The following TCF4 variants were observed in gnomAD, a reference collection of about 807,000 sequenced individuals.
TCF4 encodes the protein transcription factor 4.
In TCF4, 3 loss-of-function variants were observed where a neutral mutation model predicts 82.1. The observed-to-expected ratio is 0.04, with a 90% CI of 0.02 to 0.09. The LOEUF (loss-of-function observed/expected upper bound fraction) is 0.09. TCF4 is among the 10% of genes least tolerant of loss of function. The pLI is 1.00. For missense variants in TCF4, 518 were observed against 852.7 expected, an observed-to-expected ratio of 0.61 and a Z score of 4.89; for synonymous variants, 276 against 309.6, an observed-to-expected ratio of 0.89 and a Z score of 1.14.
intron 8 of TCF4, among the ~76,000 whole-genome samples, chr18:55,336,494 A>G (rs561851831): frequency 1.3e-5 from 2 of 152,268 alleles, no homozygotes; most frequent in South Asian, 4.1e-4. Context: ...AGGTTTGTCC[A>G]TATACTAGGA....
At chr18:55,240,881 C>G (rs761777744) in intron 15 of TCF4, among the ~76,000 whole-genome samples, 19 of 152,128 alleles carry the variant, frequency 1.2e-4, no homozygotes, top group Non-Finnish European at 2.4e-4. Flanking sequence ...ACATGTATGT[C>G]GGGAGAAGAT....
chr18:55,246,413 G>T (rs1176657270), intron 15 of TCF4, among the ~76,000 whole-genome samples: 23 of 152,148 alleles, frequency 1.5e-4, no homozygotes, highest in Admixed American at 1.4e-3. Context: ...TCCAATGCCA[G>T]ACTGTTTCAA....
intron 1 of TCF4, among the ~76,000 whole-genome samples, chr18:55,631,722 T>C (rs1279062268): frequency 1.3e-5 from 2 of 152,220 alleles, no homozygotes; most frequent in Admixed American, 1.3e-4. Flanking sequence ...TTAGGAATGA[T>C]GTTTAATGCC....
chr18:55,592,651 G>A (rs1278394297), upstream of TCF4, among the ~76,000 whole-genome samples: 1 of 152,044 alleles, frequency 6.6e-6, no homozygotes, highest in Non-Finnish European at 1.5e-5. Flanking sequence ...TCTTGCCCCA[G>A]CCCCACCAGC....
chr18:55,309,097 A>T (rs939882105), intron 8 of TCF4, among the ~76,000 whole-genome samples: 1 of 151,242 alleles, frequency 6.6e-6, no homozygotes, highest in African/African-American at 2.4e-5. Flanking sequence ...TCATTTATTT[A>T]TTATTATTAT....
chr18:55,363,063 A>G (rs1233607782), intron 6 of TCF4, among the ~76,000 whole-genome samples: 1 of 152,228 alleles, frequency 6.6e-6, no homozygotes, highest in Non-Finnish European at 1.5e-5. Flanking sequence ...AATTCCAAAG[A>G]GAGAAAAATG....
intron 9 of TCF4, among the ~76,000 whole-genome samples, chr18:55,278,438 T>A (rs963053128): frequency 1.3e-5 from 2 of 152,176 alleles, no homozygotes; most frequent in Admixed American, 1.3e-4. Flanking sequence ...CATTAGAAAA[T>A]AAGTGCCACA....
Position 55,529,798 on chromosome 18 carries a change from C to T in TCF4, c.145+55482G>A, listed in dbSNP as rs571551909. Among the ~76,000 whole-genome samples the T allele has an allele frequency of 9.9e-5, 15 of 152,252 alleles. No individual in the cohort carries two copies. In the South Asian group the frequency reaches 2.7e-3, roughly 27 times the overall value. The stretch of plus-strand genomic sequence containing the variant: ...GGGAGAAAGGAGCCTGTCACTAGCA[C>T]ACCATGCTAGGAGGAGGACACCAAC... On this transcript the variant is annotated intron_variant, in intron 3 of 19. Transcript: ENST00000354452.
At chr18:55,562,058 C>T (rs1229768780) in intron 3 of TCF4, among the ~76,000 whole-genome samples, 1 of 152,196 alleles carries the variant, frequency 6.6e-6, no homozygotes, top group Non-Finnish European at 1.5e-5. Flanking sequence ...AATACAACTA[C>T]TGTCTGTTTT....
At chr18:55,324,075 T>C (rs1375066101) in intron 8 of TCF4, among the ~76,000 whole-genome samples, 1 of 152,180 alleles carries the variant, frequency 6.6e-6, no homozygotes, top group Non-Finnish European at 1.5e-5. Flanking sequence ...TGTGCATAAA[T>C]AAATATTTTT....
intron 3 of TCF4, among the ~76,000 whole-genome samples, chr18:55,499,100 A>G (rs2096669076): frequency 6.6e-6 from 1 of 152,190 alleles, no homozygotes; most frequent in African/African-American, 2.4e-5. Context: ...AATGTAATGA[A>G]AGGCACCCAT....
At chr18:55,304,766 A>T (rs1008148222) in intron 8 of TCF4, among the ~76,000 whole-genome samples, 8 of 152,190 alleles carry the variant, frequency 5.3e-5, no homozygotes, top group Non-Finnish European at 8.8e-5. Flanking sequence ...AAAAGGTTCA[A>T]TCTACTCATG....
chr18:55,586,157 AGCAGCAGC>A lies in TCF4; in HGVS notation c.73-813_73-806del, dbSNP rs2097646439. 2.9e-5 allele frequency: 3 copies of A among 104,680 alleles called. No homozygotes were observed. The African/African-American group carries it at 1.1e-3, about 38-fold the overall frequency. The allele number at this position is 104,680 out of a possible 1,614,324, so 6.5% of individuals were successfully genotyped here. A position where few individuals can be genotyped will look rare whatever the true frequency, so the allele number is the denominator to read the frequency against. ...GAGAAGGAGGAGGAGGAGGAGGAGC[AGCAGCAGC>A]AGCAGCAGCAGCAGCAGCAGCAGCA... On this transcript the variant is annotated intron_variant, in intron 2 of 19. Transcript: ENST00000354452.
chr18:55,612,250 T>C (rs998971134), intron 2 of TCF4, among the ~76,000 whole-genome samples: 6 of 152,054 alleles, frequency 3.9e-5, no homozygotes, highest in African/African-American at 7.2e-5. Context: ...GATTGGGAAT[T>C]GGGAATGATG....
At chr18:55,409,322 T>C (rs1217316891) in intron 5 of TCF4, among the ~76,000 whole-genome samples, 1 of 152,092 alleles carries the variant, frequency 6.6e-6, no homozygotes, top group Non-Finnish European at 1.5e-5. Context: ...ACATTGTATC[T>C]AGCATGTTAA....
intron 13 of TCF4, chr18:55,259,624 T>C (rs1401503608): frequency 3.6e-6 from 1 of 279,266 alleles, no homozygotes; most frequent in African/African-American, 2.2e-5. Context: ...AACTGAGTTT[T>C]TTTCATCTGA....
intron 1 of TCF4, among the ~76,000 whole-genome samples, chr18:55,634,662 T>C (rs372010247): frequency 2.6e-5 from 4 of 152,326 alleles, no homozygotes; most frequent in South Asian, 2.1e-4. Flanking sequence ...AGTCACATGA[T>C]TGCAATTTTA....
At chr18:55,295,499 T>C (rs1271382029) in intron 8 of TCF4, among the ~76,000 whole-genome samples, 1 of 152,318 alleles carries the variant, frequency 6.6e-6, no homozygotes, top group African/African-American at 2.4e-5. Flanking sequence ...TCTGACACTG[T>C]TGACAATTTC....
chr18:55,373,481 A>G (rs2089901771), intron 6 of TCF4, among the ~76,000 whole-genome samples: 1 of 152,182 alleles, frequency 6.6e-6, no homozygotes, highest in African/African-American at 2.4e-5. Flanking sequence ...TAAATCAATT[A>G]GAAGGACAAT....
Sources: allele counts gnomAD v4.1 joint callset (sites outside exome capture counted in the v4.1 genomes callset), GRCh38; gene constraint gnomAD v4.1.1; transcripts MANE v1.5; gene names NCBI Gene and HGNC (gene_info 2026-07-23, HGNC 2026-07-21).